The following GABRA3 variants were observed in gnomAD, a reference collection of about 807,000 sequenced individuals.
GABRA3 encodes the protein gamma-aminobutyric acid receptor subunit alpha-3.
In GABRA3, 10 loss-of-function variants were observed where a neutral mutation model predicts 30.1. The observed-to-expected ratio is 0.33, with a 90% CI of 0.20 to 0.56. The LOEUF (loss-of-function observed/expected upper bound fraction) is 0.56, where lower values mean the gene tolerates loss of function less well. Among genes scored for constraint, GABRA3 ranks in the 20% least tolerant of loss-of-function variants. The pLI is 0.89. For missense variants in GABRA3, 233 were observed against 392.0 expected, an observed-to-expected ratio of 0.59 and a Z score of 3.42; for synonymous variants, 151 against 146.8, an observed-to-expected ratio of 1.03 and a Z score of -0.21.
intron 3 of GABRA3, among the ~76,000 whole-genome samples, chrX:152,339,781 G>A (rs1427489607): frequency 2.7e-5 from 3 of 110,806 alleles, no homozygotes; most frequent in Non-Finnish European, 5.7e-5. Flanking sequence ...TCACTTCTCG[G>A]TCTGTACTCC....
chrX:152,437,476 A>G, intron 1 of GABRA3, among the ~76,000 whole-genome samples: 1 of 111,683 alleles, frequency 9.0e-6, no homozygotes, highest in Middle Eastern at 4.7e-3. Context: ...ATATACATTC[A>G]ATGCAGTCCC....
At chrX:152,408,875 T>C (rs1342282883) in intron 1 of GABRA3, among the ~76,000 whole-genome samples, 2 of 110,954 alleles carry the variant, frequency 1.8e-5, no homozygotes, top group African/African-American at 6.6e-5. Flanking sequence ...AACAGACATA[T>C]AGACCAATGG....
chrX:152,357,476 G>T (rs932196371), intron 2 of GABRA3, among the ~76,000 whole-genome samples: 2 of 111,427 alleles, frequency 1.8e-5, no homozygotes, highest in Non-Finnish European at 3.8e-5. Flanking sequence ...TAATTGGGTT[G>T]TTTTTTGCTT....
chrX:152,236,760 T>C (rs1408552843), intron 5 of GABRA3, among the ~76,000 whole-genome samples: 1 of 100,699 alleles, frequency 9.9e-6, no homozygotes, highest in African/African-American at 3.6e-5. Context: ...GATGAGCATT[T>C]TTTCATGTGT....
chrX:152,198,836 G>A (rs1355617655), intron 7 of GABRA3, among the ~76,000 whole-genome samples: 3 of 112,131 alleles, frequency 2.7e-5, no homozygotes, highest in African/African-American at 9.7e-5. Context: ...TTCTACCTGG[G>A]CTTCCTACTT....
chrX:152,343,137 A>G (rs1310946507), intron 3 of GABRA3, among the ~76,000 whole-genome samples: 1 of 111,040 alleles, frequency 9.0e-6, no homozygotes, highest in East Asian at 2.8e-4. Context: ...CTGCCTTATG[A>G]ATTAATAACC....
At chrX:152,443,630 T>C (rs1183033979) in intron 1 of GABRA3, among the ~76,000 whole-genome samples, 1 of 111,535 alleles carries the variant, frequency 9.0e-6, no homozygotes, top group Non-Finnish European at 1.9e-5. Flanking sequence ...ACAATAGATG[T>C]AATGTATCTA....
At chrX:152,198,594 G>A (rs1937419779) in intron 7 of GABRA3, among the ~76,000 whole-genome samples, 2 of 111,712 alleles carry the variant, frequency 1.8e-5, no homozygotes, top group Non-Finnish European at 3.8e-5. Context: ...CTTCCCTCTT[G>A]TAATCACTCT....
intron 3 of GABRA3, among the ~76,000 whole-genome samples, chrX:152,293,801 G>A (rs1429714296): frequency 9.0e-6 from 1 of 111,290 alleles, no homozygotes; most frequent in Admixed American, 9.6e-5. Flanking sequence ...TCCTTCAGGA[G>A]CTCTTGTAAG....
intron 1 of GABRA3, among the ~76,000 whole-genome samples, chrX:152,404,936 C>A (rs1929890802): frequency 9.2e-6 from 1 of 108,418 alleles, no homozygotes; most frequent in Non-Finnish European, 1.9e-5. Flanking sequence ...CTCCACTGAT[C>A]GTCCCCCTGC....
At chrX:152,220,877 G>T (rs1937822492) in intron 6 of GABRA3, among the ~76,000 whole-genome samples, 1 of 110,924 alleles carries the variant, frequency 9.0e-6, no homozygotes, top group Non-Finnish European at 1.9e-5. Flanking sequence ...GTGTGCCTGT[G>T]TGTGTGTGTG....
intron 1 of GABRA3, among the ~76,000 whole-genome samples, chrX:152,445,084 AAAAT>A (rs1458826431): frequency 2.9e-5 from 3 of 104,701 alleles, no homozygotes; most frequent in East Asian, 3.0e-4. Flanking sequence ...AAAAAAAAAA[AAAAT>A]ACTTGTGTTT....
At chrX:152,225,687 T>A (rs888111737) in intron 5 of GABRA3, among the ~76,000 whole-genome samples, 2 of 110,188 alleles carry the variant, frequency 1.8e-5, no homozygotes, top group Non-Finnish European at 3.8e-5. Context: ...GATTTTTTTT[T>A]TTTTATTTTT....
chrX:152,275,514 T>A (rs902093916), intron 4 of GABRA3, among the ~76,000 whole-genome samples: 8 of 106,833 alleles, frequency 7.5e-5, no homozygotes, highest in African/African-American at 2.7e-4. Flanking sequence ...CCCAGCACTT[T>A]GGGAGGCCAA....
chrX:152,382,911 G>T (rs972776917), intron 1 of GABRA3, among the ~76,000 whole-genome samples: 22 of 111,782 alleles, frequency 2.0e-4, no homozygotes, highest in African/African-American at 5.9e-4. Flanking sequence ...ATATTGTTTT[G>T]ATTGATTACA....
chrX:152,236,613 A>T (rs1320152038), intron 5 of GABRA3, among the ~76,000 whole-genome samples: 4 of 106,477 alleles, frequency 3.8e-5, no homozygotes, highest in Non-Finnish European at 7.7e-5. Flanking sequence ...TCCCACCAAC[A>T]GTGTAAAAGT....
At chrX:152,400,693 T>G (rs764412260) in intron 1 of GABRA3, among the ~76,000 whole-genome samples, 1 of 111,124 alleles carries the variant, frequency 9.0e-6, no homozygotes, top group African/African-American at 3.3e-5. Context: ...AGATATAGTA[T>G]CCTGGATTAC....
intron 1 of GABRA3, among the ~76,000 whole-genome samples, chrX:152,442,568 C>A (rs1310419951): frequency 9.0e-6 from 1 of 111,419 alleles, no homozygotes; most frequent in Non-Finnish European, 1.9e-5. Flanking sequence ...GTTACTGCTA[C>A]CCATTCTATA....
chrX:152,354,479 T>C (rs764287486), intron 2 of GABRA3, among the ~76,000 whole-genome samples: 1 of 111,882 alleles, frequency 8.9e-6, no homozygotes, highest in East Asian at 2.8e-4. Flanking sequence ...CTTAATTAGA[T>C]AACAAGGGAG....
Sources: allele counts gnomAD v4.1 joint callset (sites outside exome capture counted in the v4.1 genomes callset), GRCh38; gene constraint gnomAD v4.1.1; transcripts MANE v1.5; gene names NCBI Gene and HGNC (gene_info 2026-07-23, HGNC 2026-07-21).